NFIA: variants seen among roughly 807,000 people sequenced by gnomAD.
NFIA encodes the protein nuclear factor I A.
A neutral mutation model predicts 62.8 loss-of-function variants in NFIA; 8 were observed. The observed-to-expected ratio is 0.13, with a 90% CI of 0.07 to 0.23. The LOEUF (loss-of-function observed/expected upper bound fraction) is 0.23. Ranked by LOEUF, NFIA falls within the 10% of genes least tolerant of loss-of-function variation. The pLI is 1.00. For synonymous variants in NFIA, 235 were observed against 238.1 expected, an observed-to-expected ratio of 0.99 and a Z score of 0.12; for missense variants, 410 against 642.1, an observed-to-expected ratio of 0.64 and a Z score of 3.91.
At chr1:61,089,704 T>C (rs1646285380) in intron 2 of NFIA, among the ~76,000 whole-genome samples, 1 of 150,518 alleles carries the variant, frequency 6.6e-6, no homozygotes, top group African/African-American at 2.4e-5. Context: ...TCTTTTTTTT[T>C]TTTTTTTTTT....
At chr1:61,101,003 A>G (rs1646498791) in intron 2 of NFIA, among the ~76,000 whole-genome samples, 1 of 150,728 alleles carries the variant, frequency 6.6e-6, no homozygotes, top group Admixed American at 6.6e-5. Context: ...CTATATTTCT[A>G]TTGTGTTAAA....
rs548455815 is a variant in NFIA at position 61,115,627 on chromosome 1, A to G, written c.559+26947A>G. Reference sequence around the variant, plus strand: ...CACGGCACGTGGAGGCAGAGCACACATGCATAGAGTGTGTAATGCTTCACT... The same window carrying G: ...CACGGCACGTGGAGGCAGAGCACACGTGCATAGAGTGTGTAATGCTTCACT... On this transcript the variant is annotated intron_variant, in intron 2 of 10. Transcript: ENST00000403491. 6.6e-5 allele frequency among the ~76,000 whole-genome samples: 10 copies of G among 152,356 alleles called. No homozygotes were observed. In the East Asian group the frequency reaches 1.7e-3, roughly 26 times the overall value.
At chr1:61,122,445 G>T (rs772729084) in intron 2 of NFIA, among the ~76,000 whole-genome samples, 11 of 152,186 alleles carry the variant, frequency 7.2e-5, no homozygotes, top group Non-Finnish European at 1.3e-4. Flanking sequence ...TGTCTCGTTA[G>T]ACATACACCC....
chr1:61,256,286 A>C (rs113848251), intron 2 of NFIA, among the ~76,000 whole-genome samples: 3,746 of 151,902 alleles, frequency 0.025, 149 homozygotes, highest in African/African-American at 0.086. Context: ...TACAAAAAAA[A>C]TTATCTGGGT....
intron 2 of NFIA, among the ~76,000 whole-genome samples, chr1:61,270,194 G>A (rs1422484316): frequency 2.6e-5 from 4 of 152,016 alleles, no homozygotes; most frequent in African/African-American, 9.7e-5. Flanking sequence ...CATTTTGGGG[G>A]GCCTTTATGA....
intron 9 of NFIA, among the ~76,000 whole-genome samples, chr1:61,420,995 T>A (rs9436644): frequency 1.3e-5 from 2 of 152,148 alleles, no homozygotes; most frequent in South Asian, 4.2e-4. Flanking sequence ...CCTCCACAAT[T>A]GCCAGCTCCG....
intron 3 of NFIA, among the ~76,000 whole-genome samples, chr1:61,293,051 T>C (rs1658989838): frequency 6.6e-6 from 1 of 152,228 alleles, no homozygotes; most frequent in Admixed American, 6.6e-5. Context: ...GGAGGGCGAG[T>C]TTGGGCACTT....
intron 10 of NFIA, among the ~76,000 whole-genome samples, chr1:61,445,243 T>C (rs577419891): frequency 5.3e-5 from 8 of 152,312 alleles, no homozygotes; most frequent in Middle Eastern, 3.4e-3. Context: ...GCTATGTACA[T>C]GTCCAGGTTG....
At chr1:61,115,411 G>A (rs940789701) in intron 2 of NFIA, among the ~76,000 whole-genome samples, 14 of 152,248 alleles carry the variant, frequency 9.2e-5, no homozygotes, top group Non-Finnish European at 1.3e-4. Flanking sequence ...GAGGCAAAAT[G>A]TATTAAATGC....
intron 2 of NFIA, among the ~76,000 whole-genome samples, chr1:61,246,665 T>C (rs936953191): frequency 6.6e-6 from 1 of 152,066 alleles, no homozygotes; most frequent in Admixed American, 6.6e-5. Flanking sequence ...CCTTCAAAGG[T>C]GGGATGACTG....
intron 2 of NFIA, among the ~76,000 whole-genome samples, chr1:61,099,635 A>G (rs1026539176): frequency 6.6e-6 from 1 of 152,210 alleles, no homozygotes; most frequent in South Asian, 2.1e-4. Context: ...TTGGAGAAGT[A>G]GAGATTGTAG....
At chr1:61,410,483 T>TG (rs1666049067) in intron 9 of NFIA, among the ~76,000 whole-genome samples, 3 of 152,230 alleles carry the variant, frequency 2.0e-5, no homozygotes, top group Non-Finnish European at 4.4e-5. Context: ...TCAGTACATG[T>TG]GCTCAGCATC....
At chr1:61,367,791 T>C (rs1344516475) in intron 6 of NFIA, among the ~76,000 whole-genome samples, 1 of 152,152 alleles carries the variant, frequency 6.6e-6, no homozygotes, top group East Asian at 1.9e-4. Context: ...AATATTCTTC[T>C]CATACACACA....
At chr1:61,081,185 TG>T (rs1369580089), upstream of NFIA, among the ~76,000 whole-genome samples, 3 of 150,646 alleles carry the variant, frequency 2.0e-5, no homozygotes, top group African/African-American at 7.3e-5. Context: ...AAATAAGGGA[TG>T]GGGGCTTAGA....
At chr1:61,349,529 T>C (rs1662434187) in intron 4 of NFIA, among the ~76,000 whole-genome samples, 1 of 152,144 alleles carries the variant, frequency 6.6e-6, no homozygotes, top group Non-Finnish European at 1.5e-5. Context: ...GTTCCCATTA[T>C]TACGATAGTC....
intron 2 of NFIA, among the ~76,000 whole-genome samples, chr1:61,190,082 G>A (rs1651512338): frequency 6.6e-6 from 1 of 152,174 alleles, no homozygotes; most frequent in African/African-American, 2.4e-5. Context: ...GCTGCAATGT[G>A]GCACACAGGT....
chr1:61,135,449 C>T (rs1647166273), intron 2 of NFIA, among the ~76,000 whole-genome samples: 1 of 152,160 alleles, frequency 6.6e-6, no homozygotes, highest in South Asian at 2.1e-4. Flanking sequence ...CTCTGTTGCA[C>T]AGGCTGGAGT....
At chr1:61,317,720 G>A (rs970176707) in intron 3 of NFIA, among the ~76,000 whole-genome samples, 6 of 151,954 alleles carry the variant, frequency 3.9e-5, no homozygotes, top group Middle Eastern at 3.2e-3. Flanking sequence ...AACATTCCAT[G>A]TGAAAAGAAT....
chr1:61,224,552 T>C (rs1465629866), intron 2 of NFIA, among the ~76,000 whole-genome samples: 1 of 152,204 alleles, frequency 6.6e-6, no homozygotes, highest in Non-Finnish European at 1.5e-5. Flanking sequence ...AAGAAACTTA[T>C]TCTGATTCAG....
Sources: allele counts gnomAD v4.1 joint callset (sites outside exome capture counted in the v4.1 genomes callset), GRCh38; gene constraint gnomAD v4.1.1; transcripts MANE v1.5; gene names NCBI Gene and HGNC (gene_info 2026-07-23, HGNC 2026-07-21).